IL1RAPL1: variants seen among roughly 807,000 people sequenced by gnomAD.
IL1RAPL1 encodes the protein interleukin-1 receptor accessory protein-like 1.
Under a neutral mutation model 48.4 loss-of-function variants are expected in IL1RAPL1, and 3 were observed. The observed-to-expected ratio is 0.06, with a 90% CI of 0.03 to 0.16. The LOEUF (loss-of-function observed/expected upper bound fraction) is 0.16. Ranked by LOEUF, IL1RAPL1 falls within the 10% of genes least tolerant of loss-of-function variation. IL1RAPL1 has a pLI of 1.00. For synonymous variants in IL1RAPL1, 185 were observed against 187.7 expected (o/e 0.99, Z 0.12); for missense variants, 349 against 530.6 (o/e 0.66, Z 3.36).
chrX:29,203,371 A>G (rs769186981), intron 2 of IL1RAPL1, among the ~76,000 whole-genome samples: 1 of 111,756 alleles, frequency 8.9e-6, no homozygotes, highest in Non-Finnish European at 1.9e-5. Context: ...TGGGATAACC[A>G]TCACCTCAAA....
chrX:29,946,043 C>A (rs1354790610), intron 9 of IL1RAPL1, among the ~76,000 whole-genome samples: 1 of 111,110 alleles, frequency 9.0e-6, no homozygotes, highest in Non-Finnish European at 1.9e-5. Context: ...GCCACACTTT[C>A]CCCTCATATG....
intron 2 of IL1RAPL1, among the ~76,000 whole-genome samples, chrX:28,950,397 G>T (rs1924423641): frequency 1.2e-5 from 1 of 85,944 alleles, no homozygotes; most frequent in African/African-American, 4.5e-5. Flanking sequence ...TTGTTCTTTT[G>T]GCTTAGGATT....
chrX:28,853,487 G>GCA (rs1569186222), intron 2 of IL1RAPL1, among the ~76,000 whole-genome samples: 5 of 104,107 alleles, frequency 4.8e-5, no homozygotes, highest in African/African-American at 1.7e-4. Context: ...GCATGTGTGT[G>GCA]CGCGCGCACA....
chrX:29,208,740 A>AATAATAATAAT (rs1455071954), intron 2 of IL1RAPL1, among the ~76,000 whole-genome samples: 141 of 106,780 alleles, frequency 1.3e-3, no homozygotes, highest in African/African-American at 4.7e-3. Flanking sequence ...AATAATAAAT[A>AATAATAATAAT]AATAAATAAA....
At chrX:29,369,184 T>C (rs1222223007) in intron 3 of IL1RAPL1, 2 of 110,278 alleles carry the variant, frequency 1.8e-5, no homozygotes, top group Non-Finnish European at 3.8e-5. Context: ...GCATGAGAAG[T>C]TGTGTGTTGC....
intron 6 of IL1RAPL1, among the ~76,000 whole-genome samples, chrX:29,900,179 A>G (rs1003847916): frequency 2.7e-5 from 3 of 112,003 alleles, no homozygotes; most frequent in African/African-American, 9.8e-5. Context: ...CTAGGCAGAA[A>G]AGGAGAAAAC....
At chrX:29,565,241 T>C (rs1922360938) in intron 5 of IL1RAPL1, among the ~76,000 whole-genome samples, 1 of 111,139 alleles carries the variant, frequency 9.0e-6, no homozygotes, top group Non-Finnish European at 1.9e-5. Context: ...GGTATGAAAT[T>C]ACTCCAGATG....
At chrX:29,202,119 G>A (rs948797576) in intron 2 of IL1RAPL1, among the ~76,000 whole-genome samples, 6 of 112,271 alleles carry the variant, frequency 5.3e-5, no homozygotes, top group South Asian at 7.3e-4. Context: ...CTATGCAACC[G>A]ACAAAGGTCT....
intron 8 of IL1RAPL1, among the ~76,000 whole-genome samples, chrX:29,933,321 C>T (rs1932977128): frequency 9.0e-6 from 1 of 111,255 alleles, no homozygotes; most frequent in Non-Finnish European, 1.9e-5. Context: ...TACCCCAGAA[C>T]TTATAATAAA....
At chrX:28,726,836 TG>T (rs1569159550) in intron 1 of IL1RAPL1, among the ~76,000 whole-genome samples, 1 of 111,546 alleles carries the variant, frequency 9.0e-6, no homozygotes, top group African/African-American at 3.3e-5. Flanking sequence ...AGAGCTCTAG[TG>T]CCTGCATGCT....
intron 6 of IL1RAPL1, among the ~76,000 whole-genome samples, chrX:29,878,692 T>G (rs1382759436): frequency 8.9e-6 from 1 of 112,142 alleles, no homozygotes; most frequent in African/African-American, 3.2e-5. Flanking sequence ...TTGTTCTCTC[T>G]GAATGAAGGG....
chrX:28,914,616 A>C (rs1446464634), intron 2 of IL1RAPL1, among the ~76,000 whole-genome samples: 1 of 112,188 alleles, frequency 8.9e-6, no homozygotes, highest in Non-Finnish European at 1.9e-5. Context: ...ATGGGACTAA[A>C]AATATCTGCA....
chrX:29,762,363 C>T (rs1287894254), intron 6 of IL1RAPL1, among the ~76,000 whole-genome samples: 1 of 111,514 alleles, frequency 9.0e-6, no homozygotes, highest in African/African-American at 3.3e-5. Context: ...CAAAAACATT[C>T]CATGAAATGT....
rs371141873 is a variant in IL1RAPL1 at position 29,723,917 on chromosome X, T to C, written c.778+55413T>C. 8.9e-4 allele frequency among the ~76,000 whole-genome samples: 99 copies of C among 110,977 alleles called. 3 individuals carry two copies. Among genetic ancestry groups the C allele is most frequent in the East Asian group, 6.3e-3 (22 of 3,512 alleles). ...GCAACCTCCAGCTCCTGGGTTCAAA[T>C]GATTCCCCTGCCTCAGTCTCCCAAG... On this transcript the variant is annotated intron_variant, in intron 6 of 10. Transcript: ENST00000378993.
At chrX:29,432,074 G>A (rs1393451008) in intron 5 of IL1RAPL1, among the ~76,000 whole-genome samples, 1 of 111,154 alleles carries the variant, frequency 9.0e-6, no homozygotes, top group Admixed American at 9.6e-5. Flanking sequence ...AATAATTTTA[G>A]TAAACCACAT....
intron 2 of IL1RAPL1, among the ~76,000 whole-genome samples, chrX:29,021,912 A>T (rs1366038527): frequency 2.7e-5 from 3 of 111,911 alleles, no homozygotes; most frequent in Non-Finnish European, 5.6e-5. Flanking sequence ...TTCAACGCTC[A>T]CTACACTGTG....
chrX:29,644,158 A>T (rs747207719), intron 5 of IL1RAPL1, among the ~76,000 whole-genome samples: 4 of 112,318 alleles, frequency 3.6e-5, no homozygotes, highest in Non-Finnish European at 7.5e-5. Flanking sequence ...AAAGGTATCT[A>T]ATGAAGGAAT....
intron 2 of IL1RAPL1, among the ~76,000 whole-genome samples, chrX:28,994,681 T>G (rs2147384081): frequency 8.9e-6 from 1 of 111,987 alleles, no homozygotes; most frequent in Admixed American, 9.5e-5. Flanking sequence ...TAGGTTTAAA[T>G]GCAGTGAAGA....
chrX:28,746,036 T>C (rs1336400387), intron 1 of IL1RAPL1, among the ~76,000 whole-genome samples: 1 of 111,523 alleles, frequency 9.0e-6, no homozygotes, highest in African/African-American at 3.3e-5. Context: ...ATGAATAGGG[T>C]CAACCCATTC....
Sources: gnomAD v4.1 joint callset for allele counts (sites outside exome capture counted in the v4.1 genomes callset) on GRCh38, gnomAD v4.1.1 for gene constraint, MANE v1.5 for transcripts, NCBI Gene and HGNC (gene_info 2026-07-23, HGNC 2026-07-21) for gene names.